NUFIP1: variants seen among roughly 807,000 people sequenced by gnomAD.
NUFIP1 encodes nuclear FMR1 interacting protein 1.
A neutral mutation model predicts 56.2 loss-of-function variants in NUFIP1; 38 were observed. That is an observed-to-expected ratio of 0.68 (90% CI 0.52 to 0.89). The LOEUF is 0.89. Among genes scored for constraint, NUFIP1 ranks in the 40% least tolerant of loss-of-function variants. The probability of loss-of-function intolerance (pLI) is 0.00; values close to 1 mark genes in which losing one functional copy is unlikely to be tolerated. For missense variants in NUFIP1, 567 were observed against 605.8 expected (o/e 0.94, Z 0.67); for synonymous variants, 215 against 212.4 (o/e 1.01, Z -0.10).
At chr13:44,985,619 C>G (rs1375738288) in intron 1 of NUFIP1, among the ~76,000 whole-genome samples, 1 of 152,140 alleles carries the variant, frequency 6.6e-6, no homozygotes, top group African/African-American at 2.4e-5. Flanking sequence ...GATCTGTGAT[C>G]AGTGATCTTT....
rs1872098660 is a variant in NUFIP1 at position 44,979,273 on chromosome 13, G to A, written c.658-7C>T. 6.2e-7 allele frequency: 1 copy of A among 1,608,080 alleles called. No homozygotes were observed. The highest frequency in any genetic ancestry group is 1.7e-5 in the Admixed American group (1 of 58,326). ...TCATGCCAGGAGCATGCATCTAGGGGGAAAAAGCCTGCTGAACATCAGGAG... is the reference window on the plus strand; with the variant it reads ...TCATGCCAGGAGCATGCATCTAGGGAGAAAAAGCCTGCTGAACATCAGGAG... On this transcript the variant is annotated splice_region_variant and splice_polypyrimidine_tract_variant and intron_variant, in intron 4 of 9. Transcript: ENST00000379161.
chr13:44,947,520 T>A (rs986970505), intron 8 of NUFIP1, among the ~76,000 whole-genome samples: 1 of 152,136 alleles, frequency 6.6e-6, no homozygotes, highest in Non-Finnish European at 1.5e-5. Context: ...ATTGCAGACA[T>A]GAGCCACCGT....
chr13:44,986,822 C>T (rs1872416007), intron 1 of NUFIP1, among the ~76,000 whole-genome samples: 3 of 151,964 alleles, frequency 2.0e-5, no homozygotes, highest in Non-Finnish European at 1.5e-5. Flanking sequence ...AAGGAATCTA[C>T]TCCTGGTGAA....
chr13:44,942,462 A>G (rs887088409), intron 9 of NUFIP1, among the ~76,000 whole-genome samples: 2 of 152,222 alleles, frequency 1.3e-5, no homozygotes, highest in Non-Finnish European at 2.9e-5. Context: ...AATGGAGCGT[A>G]TATTTCAGAT....
At chr13:44,983,348 G>C (rs1041599631) in intron 1 of NUFIP1, among the ~76,000 whole-genome samples, 1 of 151,992 alleles carries the variant, frequency 6.6e-6, no homozygotes, top group East Asian at 2.0e-4. Flanking sequence ...GGTAATTTTC[G>C]TATTTTTTAG....
At chr13:44,966,464 G>A (rs1871605631) in intron 5 of NUFIP1, among the ~76,000 whole-genome samples, 1 of 151,848 alleles carries the variant, frequency 6.6e-6, no homozygotes, top group Admixed American at 6.6e-5. Flanking sequence ...ACAGACACCT[G>A]CCATCACGCC....
At position 44,989,452 on chromosome 13, in the gene NUFIP1, G is replaced by C. The variant is rs772892326; in HGVS notation, c.-16C>G. The C allele has an allele frequency of 1.9e-6, 3 of 1,610,920 alleles. No homozygotes were observed. The Admixed American group carries it at 5.0e-5, about 27-fold the overall frequency. The stretch of plus-strand genomic sequence containing the variant: ...GCTCAGCCATACCACTGGCGGGTCC[G>C]GAGTCTAGCACGCGACTGTGGAGCA... On this transcript the variant is annotated 5_prime_UTR_variant, in exon 1 of 10. Coordinates refer to ENST00000379161, the MANE Select transcript of NUFIP1 (RefSeq NM_012345.3).
At chr13:44,962,161 T>C (rs922236746) in intron 6 of NUFIP1, among the ~76,000 whole-genome samples, 2 of 152,206 alleles carry the variant, frequency 1.3e-5, no homozygotes, top group African/African-American at 4.8e-5. Context: ...AGGAATTACA[T>C]TAAACGTAAA....
chr13:44,941,458 TA>T (rs1473511377), intron 9 of NUFIP1, 136 bp from the exon 10 acceptor site: 3 of 539,186 alleles, frequency 5.6e-6, no homozygotes, highest in Non-Finnish European at 9.9e-6. Flanking sequence ...ACTATTTTGC[TA>T]AAAAACGATG....
chr13:44,963,160 T>C (rs748918355), intron 6 of NUFIP1, among the ~76,000 whole-genome samples: 12 of 152,156 alleles, frequency 7.9e-5, no homozygotes, highest in Non-Finnish European at 1.2e-4. Flanking sequence ...ATTAAGATAA[T>C]TATATTGTTT....
At chr13:44,953,795 G>C (rs1871147123) in intron 7 of NUFIP1, among the ~76,000 whole-genome samples, 1 of 152,128 alleles carries the variant, frequency 6.6e-6, no homozygotes, top group Non-Finnish European at 1.5e-5. Flanking sequence ...CACAATTAGA[G>C]TGCTAGGTAT....
At chr13:44,946,775 A>G (rs1214497033) in intron 8 of NUFIP1, among the ~76,000 whole-genome samples, 2 of 152,208 alleles carry the variant, frequency 1.3e-5, no homozygotes, top group Admixed American at 1.3e-4. Context: ...CAGGTAAATA[A>G]GCAGCCTTCT....
In NUFIP1 at chr13:44,966,010, G is replaced by C; in HGVS notation, c.735-74C>G. 2 of 770,552 alleles carry C rather than the reference G, an allele frequency of 2.6e-6. 1 individual carries two copies. The highest frequency in any genetic ancestry group is 5.5e-5 in the South Asian group (2 of 36,150). 47.7% of individuals were successfully genotyped at this position (770,552 alleles called of 1,614,324 possible). A position where few individuals can be genotyped will look rare whatever the true frequency, so the allele number is the denominator to read the frequency against. Reference sequence around the variant, plus strand: ...TTAAATAAGCAATCAAGCAATTGCTGAATTTAGCAATTTTGTTTAACACCT... The same window carrying C: ...TTAAATAAGCAATCAAGCAATTGCTCAATTTAGCAATTTTGTTTAACACCT... On this transcript the variant is annotated intron_variant, in intron 5 of 9. Coordinates refer to ENST00000379161, the MANE Select transcript of NUFIP1 (RefSeq NM_012345.3).
rs1870675671 is a variant in NUFIP1 at position 44,940,024 on chromosome 13, T to C, written c.*1182A>G. On this transcript the variant is annotated 3_prime_UTR_variant, in exon 10 of 10. Coordinates refer to ENST00000379161, the MANE Select transcript of NUFIP1 (RefSeq NM_012345.3). ...TTGAATATATCAAAATTAAACTGAG[T>C]TCCTTGAAGTCAGACATGGCCTTAT... 6.6e-6 allele frequency: 1 copy of C among 152,136 alleles called. No homozygotes were observed. Among genetic ancestry groups the C allele is most frequent in the South Asian group, 2.1e-4 (1 of 4,826 alleles). The allele number at this position is 152,136 out of a possible 1,614,324, so 9.4% of individuals were successfully genotyped here. A position where few individuals can be genotyped will look rare whatever the true frequency, so the allele number is the denominator to read the frequency against.
intron 5 of NUFIP1, among the ~76,000 whole-genome samples, chr13:44,967,105 G>A (rs952031688): frequency 2.0e-5 from 3 of 152,026 alleles, no homozygotes; most frequent in Non-Finnish European, 4.4e-5. Context: ...CTGGGGGGTA[G>A]GGGTGGAATG....
intron 6 of NUFIP1, among the ~76,000 whole-genome samples, chr13:44,964,835 A>G (rs886463449): frequency 3.9e-5 from 6 of 152,316 alleles, no homozygotes; most frequent in Middle Eastern, 3.4e-3. Context: ...ACCCAGTAAG[A>G]TATTACATCA....
intron 7 of NUFIP1, among the ~76,000 whole-genome samples, chr13:44,953,266 T>A (rs1871134715): frequency 6.6e-6 from 1 of 152,090 alleles, no homozygotes; most frequent in African/African-American, 2.4e-5. Context: ...AATTAATAAT[T>A]ATTATAATTA....
chr13:44,950,710 T>C (rs1255498615), intron 7 of NUFIP1, among the ~76,000 whole-genome samples: 2 of 152,154 alleles, frequency 1.3e-5, no homozygotes, highest in Admixed American at 1.3e-4. Flanking sequence ...ACCATGAGAA[T>C]TTACCAAGCA....
At chr13:44,974,583 G>A (rs1167587846) in intron 5 of NUFIP1, among the ~76,000 whole-genome samples, 3 of 152,088 alleles carry the variant, frequency 2.0e-5, no homozygotes, top group Non-Finnish European at 2.9e-5. Flanking sequence ...ACAAGGTTTC[G>A]CTCTGTTACC....
Sources: allele counts gnomAD v4.1 joint callset (sites outside exome capture counted in the v4.1 genomes callset), GRCh38; gene constraint gnomAD v4.1.1; transcripts MANE v1.5; gene names NCBI Gene and HGNC (gene_info 2026-07-23, HGNC 2026-07-21).